PTGES: variants seen among roughly 807,000 people sequenced by gnomAD.
PTGES encodes MGST1-like 1.
PTGES carries 3 observed loss-of-function variants against 11.8 expected under a neutral mutation model. That is an observed-to-expected ratio of 0.25 (90% CI 0.12 to 0.66). The LOEUF is 0.66. Among genes scored for constraint, PTGES ranks in the 30% least tolerant of loss-of-function variants. The probability of loss-of-function intolerance (pLI) is 0.82; values close to 1 mark genes in which losing one functional copy is unlikely to be tolerated. For missense variants in PTGES, 180 were observed against 213.0 expected (o/e 0.85, Z 0.96); for synonymous variants, 94 against 90.4 (o/e 1.04, Z -0.22).
chr9:129,748,749 C>T lies in PTGES; in HGVS notation c.127-12G>A. 1 of 1,587,200 alleles carries T rather than the reference C, an allele frequency of 6.3e-7. No homozygotes were observed. Among genetic ancestry groups the T allele is most frequent in the Non-Finnish European group, 8.6e-7 (1 of 1,165,036 alleles). ...GGGTTGGCAAAGGCCTGAAATATAC[C>T]AGTTGAGAGTCACTCCTCGTGAGAC... On this transcript the variant is annotated splice_polypyrimidine_tract_variant and intron_variant, in intron 1 of 2. Transcript: ENST00000340607.
rs10119273 is a variant in PTGES, at chr9:129,739,627, G to A, written c.443C>T (p.Ala148Val). 1,843 of 1,551,686 alleles carry A rather than the reference G, an allele frequency of 1.2e-3. 15 individuals are homozygous for A. The African/African-American group carries it at 0.023, about 19-fold the overall frequency. The change falls in exon 3 of 3, where the codon GCG (alanine) becomes GTG (valine). Residue 148 changes from alanine (A) to valine (V), a missense_variant. Coordinates refer to ENST00000340607, the MANE Select transcript of PTGES (RefSeq NM_004878.5). This position sits in a 1 kb window ranked among gnomAD's most constrained non-coding sequence, Gnocchi z 5.7. The stretch of plus-strand genomic sequence containing the variant: ...AGCTGCTGGTCACAGGTGGCGGGCC[G>A]CTTCCCAGAGGATCTGCAGAGCCAT... ...ASMALQILWE[A>V]ARHL
chr9:129,748,055 G>C, intron 2 of PTGES, among the ~76,000 whole-genome samples: 1 of 144,096 alleles, frequency 6.9e-6, no homozygotes, highest in East Asian at 2.0e-4. Flanking sequence ...GAGGCCTTCT[G>C]TTCATAACAC....
At chr9:129,748,505 A>G in intron 2 of PTGES, 150 bp downstream of exon 2, 1 of 572,472 alleles carries the variant, frequency 1.7e-6, no homozygotes, top group Non-Finnish European at 2.8e-6. Context: ...TTGAAATTAA[A>G]TCATTGAATA....
chr9:129,749,791 TG>T (rs1250126844), intron 1 of PTGES: 1 of 152,464 alleles, frequency 6.6e-6, no homozygotes, highest in East Asian at 1.9e-4. Context: ...TGGGCATGTG[TG>T]AAGAACAGAA....
At position 129,741,084 on chromosome 9, in the gene PTGES, C is replaced by T. The variant is rs540363617; in HGVS notation, c.210-1224G>A. ...AAAAGGAAAGAGGGGGCCTGGAGTGCTTGGCCACCCCACACTGTAGGAAGC... is the reference window on the plus strand; with the variant it reads ...AAAAGGAAAGAGGGGGCCTGGAGTGTTTGGCCACCCCACACTGTAGGAAGC... On this transcript the variant is annotated intron_variant, in intron 2 of 2. Coordinates refer to ENST00000340607, the MANE Select transcript of PTGES (RefSeq NM_004878.5). Among the ~76,000 whole-genome samples the T allele has an allele frequency of 3.3e-5, 5 of 152,282 alleles. No individual in the cohort carries two copies. In the South Asian group the frequency reaches 6.2e-4, roughly 19 times the overall value.
intron 2 of PTGES, among the ~76,000 whole-genome samples, chr9:129,741,679 G>C (rs45466491): frequency 6.6e-6 from 1 of 152,108 alleles, no homozygotes; most frequent in Non-Finnish European, 1.5e-5. Flanking sequence ...GCCAAGGCGG[G>C]CGGATTACCT....
Position 129,739,969 on chromosome 9 carries a change from C to T in PTGES, c.210-109G>A, listed in dbSNP as rs1308853974. On this transcript the variant is annotated intron_variant, in intron 2 of 2. Transcript: ENST00000340607. This position sits in a 1 kb window ranked among gnomAD's most constrained non-coding sequence, Gnocchi z 5.7. ...TGCTTTGACCCACTGGGGGTCATTT[C>T]AGGCATATCACACACTCAAATCCAT... The T allele has an allele frequency of 7.6e-7, 1 of 1,318,564 alleles. No homozygotes were observed. The highest frequency in any genetic ancestry group is 1.5e-5 in the African/African-American group (1 of 67,398). The allele number at this position is 1,318,564 out of a possible 1,614,324, so 81.7% of individuals were successfully genotyped here. A position where few individuals can be genotyped will look rare whatever the true frequency, so the allele number is the denominator to read the frequency against.
Position 129,739,492 on chromosome 9 carries a change from G to A in PTGES, c.*119C>T. ...GCCCAGAGACCCACACGCGCAGCAG[G>A]CTGCCAGGAAACCAGGACTCAGGGC... On this transcript the variant is annotated 3_prime_UTR_variant, in exon 3 of 3. Coordinates refer to ENST00000340607, the MANE Select transcript of PTGES (RefSeq NM_004878.5). This position sits in a 1 kb window ranked among gnomAD's most constrained non-coding sequence, Gnocchi z 5.7. 7.2e-7 allele frequency: 1 copy of A among 1,392,800 alleles called. No individual in the cohort carries two copies. Among genetic ancestry groups the A allele is most frequent in the African/African-American group, 1.4e-5 (1 of 69,166 alleles). 86.3% of individuals were successfully genotyped at this position (1,392,800 alleles called of 1,614,324 possible). A position where few individuals can be genotyped will look rare whatever the true frequency, so the allele number is the denominator to read the frequency against.
chr9:129,740,716 ACTAATGGCCGG>A (rs1393738498), intron 2 of PTGES, among the ~76,000 whole-genome samples: 1 of 152,180 alleles, frequency 6.6e-6, no homozygotes, highest in East Asian at 1.9e-4. Context: ...CCAGACTCCT[ACTAATGGCCGG>A]CTTCCTTTAT....
chr9:129,742,172 A>T (rs1833001019), intron 2 of PTGES, among the ~76,000 whole-genome samples: 1 of 151,582 alleles, frequency 6.6e-6, no homozygotes, highest in Admixed American at 6.6e-5. Context: ...ACAAAAAAAA[A>T]AAATTAGCTG....
At chr9:129,744,892 T>A (rs7873707) in intron 2 of PTGES, among the ~76,000 whole-genome samples, 4,742 of 150,764 alleles carry the variant, frequency 0.031, 226 homozygotes, top group African/African-American at 0.11. Context: ...AAAAAAAAAA[T>A]TTTTTTTGAG....
intron 2 of PTGES, among the ~76,000 whole-genome samples, chr9:129,746,583 G>GA (rs45487392): frequency 0.14 from 21,534 of 151,996 alleles, 1,675 homozygotes; most frequent in East Asian, 0.21. Flanking sequence ...AAAAACATAA[G>GA]AAAAAAACCC....
intron 2 of PTGES, among the ~76,000 whole-genome samples, chr9:129,742,801 G>A (rs1192787208): frequency 2.0e-5 from 3 of 151,798 alleles, no homozygotes; most frequent in Admixed American, 2.0e-4. Context: ...GAACCCGGGA[G>A]ACAGAGGTTG....
rs200285173 is a variant in PTGES at position 129,752,878 on chromosome 9, G to A, written c.126+9C>T. The A allele has an allele frequency of 1.1e-5, 18 of 1,613,882 alleles. No homozygotes were observed. In the South Asian group the frequency reaches 2.0e-4, roughly 18 times the overall value. ...GACCCAGGCCGGGGACCCCCAGGGA[G>A]GCACATACCTTCTTCCGCAGCCTCA... On this transcript the variant is annotated intron_variant, in intron 1 of 2. Coordinates refer to ENST00000340607, the MANE Select transcript of PTGES (RefSeq NM_004878.5).
At chr9:129,747,924 C>T (rs1274011958) in intron 2 of PTGES, among the ~76,000 whole-genome samples, 1 of 146,458 alleles carries the variant, frequency 6.8e-6, no homozygotes, top group African/African-American at 2.6e-5. Context: ...GCAGGAGAAT[C>T]GCTTGAACTC....
intron 1 of PTGES, chr9:129,749,456 T>C (rs1740301996): frequency 1.3e-5 from 2 of 152,642 alleles, no homozygotes; most frequent in Non-Finnish European, 2.9e-5. Flanking sequence ...AAGACCAGCC[T>C]GGGCAACATG....
Position 129,738,676 on chromosome 9 carries a change from C to G in PTGES, c.*935G>C, listed in dbSNP as rs1832958385. 1 of 152,404 alleles carries G rather than the reference C, an allele frequency of 6.6e-6. No homozygotes were observed. The highest frequency in any genetic ancestry group is 6.5e-5 in the Admixed American group (1 of 15,278). The allele number at this position is 152,404 out of a possible 1,614,324, so 9.4% of individuals were successfully genotyped here. A position where few individuals can be genotyped will look rare whatever the true frequency, so the allele number is the denominator to read the frequency against. ...AAGACTGCAGCAAAGACATCCAAAG[C>G]CAACGGCAAGGGAAGCGTCAGCGGG... On this transcript the variant is annotated 3_prime_UTR_variant, in exon 3 of 3. Coordinates refer to ENST00000340607, the MANE Select transcript of PTGES (RefSeq NM_004878.5). The surrounding 1 kb of genome is among the most constrained non-coding windows in gnomAD (Gnocchi z 4.2).
chr9:129,741,453 A>ACC (rs990394325), intron 2 of PTGES, among the ~76,000 whole-genome samples: 2 of 151,896 alleles, frequency 1.3e-5, no homozygotes, highest in African/African-American at 4.8e-5. Flanking sequence ...ACTGACATGA[A>ACC]CCCCTCTTCT....
rs1188355204 is a variant in PTGES at position 129,739,487 on chromosome 9, A to C, written c.*124T>G. ...ACTGTGCCCAGAGACCCACACGCGC[A>C]GCAGGCTGCCAGGAAACCAGGACTC... On this transcript the variant is annotated 3_prime_UTR_variant, in exon 3 of 3. Coordinates refer to ENST00000340607, the MANE Select transcript of PTGES (RefSeq NM_004878.5). The surrounding 1 kb of genome is among the most constrained non-coding windows in gnomAD (Gnocchi z 5.7). 1 of 1,371,178 alleles carries C rather than the reference A, an allele frequency of 7.3e-7. No homozygotes were observed. Among genetic ancestry groups the C allele is most frequent in the Admixed American group, 2.5e-5 (1 of 39,280 alleles). The allele number at this position is 1,371,178 out of a possible 1,614,324, so 84.9% of individuals were successfully genotyped here. A position where few individuals can be genotyped will look rare whatever the true frequency, so the allele number is the denominator to read the frequency against.
Sources: allele counts gnomAD v4.1 joint callset (sites outside exome capture counted in the v4.1 genomes callset), GRCh38; gene constraint gnomAD v4.1.1; non-coding constraint Gnocchi (gnomAD v3.1); transcripts MANE v1.5; gene names NCBI Gene and HGNC (gene_info 2026-07-23, HGNC 2026-07-21).